ASTN2: variants seen among roughly 807,000 people sequenced by gnomAD.
The protein encoded by ASTN2 is astrotactin 2, also known as astrotactin-2.
Under a neutral mutation model 139.8 loss-of-function variants are expected in ASTN2, and 54 were observed. That is an observed-to-expected ratio of 0.39 (90% CI 0.31 to 0.48). The LOEUF is 0.48. Ranked by LOEUF, ASTN2 falls within the 20% of genes least tolerant of loss-of-function variation. The probability of loss-of-function intolerance (pLI) is 0.95; values close to 1 mark genes in which losing one functional copy is unlikely to be tolerated. For missense variants in ASTN2, 1,565 were observed against 1,725.1 expected (o/e 0.91, Z 1.64); for synonymous variants, 756 against 719.5 (o/e 1.05, Z -0.81).
intron 16 of ASTN2, among the ~76,000 whole-genome samples, chr9:116,706,453 C>G (rs1195209498): frequency 6.6e-6 from 1 of 152,104 alleles, no homozygotes; most frequent in African/African-American, 2.4e-5. Flanking sequence ...CACTGCAGCC[C>G]TACCTCCAAG....
At chr9:117,338,150 C>T (rs755785267) in intron 1 of ASTN2, among the ~76,000 whole-genome samples, 3 of 152,108 alleles carry the variant, frequency 2.0e-5, no homozygotes, top group African/African-American at 7.2e-5. Context: ...GGAAAGATTG[C>T]CATTTTCTTC....
At chr9:117,303,132 G>A (rs909721737) in intron 1 of ASTN2, among the ~76,000 whole-genome samples, 6 of 152,066 alleles carry the variant, frequency 3.9e-5, no homozygotes, top group Middle Eastern at 3.4e-3. Context: ...CTGACTTCAC[G>A]AACTTCACCC....
At chr9:116,426,532 A>G (rs1484434852) in intron 22 of ASTN2, among the ~76,000 whole-genome samples, 1 of 152,054 alleles carries the variant, frequency 6.6e-6, no homozygotes, top group Non-Finnish European at 1.5e-5. Context: ...ACCCCCTTTT[A>G]ATGGGTGAGG....
intron 1 of ASTN2, among the ~76,000 whole-genome samples, chr9:117,323,175 A>C (rs551343832): frequency 5.3e-4 from 81 of 152,254 alleles, no homozygotes; most frequent in Middle Eastern, 3.4e-3. Context: ...ACACACACAC[A>C]TATACATATA....
At chr9:116,589,499 G>T (rs769551025) in intron 19 of ASTN2, among the ~76,000 whole-genome samples, 1 of 152,172 alleles carries the variant, frequency 6.6e-6, no homozygotes, top group African/African-American at 2.4e-5. Context: ...AGGGAGAAAT[G>T]CAACAGGTCT....
chr9:117,047,953 A>G (rs1838793163), intron 5 of ASTN2, among the ~76,000 whole-genome samples: 1 of 152,152 alleles, frequency 6.6e-6, no homozygotes, highest in Admixed American at 6.5e-5. Flanking sequence ...ATCTCATCTA[A>G]TCTTTACAGA....
chr9:117,135,383 T>C (rs1486209243), intron 4 of ASTN2, among the ~76,000 whole-genome samples: 1 of 152,210 alleles, frequency 6.6e-6, no homozygotes, highest in Non-Finnish European at 1.5e-5. Flanking sequence ...GCCTAGAACA[T>C]ACCAAATGCT....
At chr9:116,799,708 G>GGT (rs1554748041) in intron 13 of ASTN2, among the ~76,000 whole-genome samples, 1 of 143,780 alleles carries the variant, frequency 7.0e-6, no homozygotes, top group East Asian at 2.2e-4. Flanking sequence ...TAAGAGAGTG[G>GGT]GGGGGGGGAG....
intron 1 of ASTN2, among the ~76,000 whole-genome samples, chr9:117,396,706 C>A (rs1260508009): frequency 1.3e-5 from 2 of 151,980 alleles, no homozygotes; most frequent in Non-Finnish European, 2.9e-5. Context: ...GCTGGGATTA[C>A]AGGTATGCAC....
At chr9:116,475,878 C>A (rs1050249936) in intron 20 of ASTN2, among the ~76,000 whole-genome samples, 13 of 152,194 alleles carry the variant, frequency 8.5e-5, no homozygotes, top group Non-Finnish European at 2.9e-5. Context: ...CTTTCCCTGG[C>A]CTTCCACATT....
At chr9:116,642,133 A>C (rs73655455) in intron 17 of ASTN2, among the ~76,000 whole-genome samples, 257 of 17,114 alleles carry the variant, frequency 0.015, 10 homozygotes, top group African/African-American at 0.083. Flanking sequence ...CCCAACCCAC[A>C]AAAAAAAAAA....
At position 117,087,317 on chromosome 9, in the gene ASTN2, C is replaced by G. The variant is rs572001268; in HGVS notation, c.1276+8727G>C. On this transcript the variant is annotated intron_variant, in intron 5 of 22. Transcript: ENST00000313400. ...AGGTGCAATCATGGCTCACTGCAGC[C>G]TTGACCTCCAGAGCTCAAGCAATCC... Among the ~76,000 whole-genome samples, 71 of 152,136 alleles carry G rather than the reference C, an allele frequency of 4.7e-4. 5 individuals carry two copies. The highest frequency in any genetic ancestry group is 1.6e-3 in the African/African-American group (67 of 41,498).
At chr9:116,940,300 G>A (rs1835188221) in intron 10 of ASTN2, among the ~76,000 whole-genome samples, 1 of 152,066 alleles carries the variant, frequency 6.6e-6, no homozygotes, top group Non-Finnish European at 1.5e-5. Context: ...TCAGTTAACT[G>A]TAAAACAGCC....
intron 3 of ASTN2, among the ~76,000 whole-genome samples, chr9:117,169,720 A>G (rs1246948035): frequency 6.6e-6 from 1 of 151,554 alleles, no homozygotes; most frequent in Admixed American, 6.6e-5. Flanking sequence ...CTTGGAGGCT[A>G]CGTCAGACAT....
chr9:117,099,107 CAAAA>C (rs34900374), intron 4 of ASTN2, among the ~76,000 whole-genome samples: 6 of 116,890 alleles, frequency 5.1e-5, no homozygotes, highest in African/African-American at 3.2e-5. Context: ...ACTCCGTCTC[CAAAA>C]AAAAAAAAAA....
intron 20 of ASTN2, among the ~76,000 whole-genome samples, chr9:116,463,782 G>T (rs996303019): frequency 6.6e-6 from 1 of 152,156 alleles, no homozygotes; most frequent in Admixed American, 6.5e-5. Flanking sequence ...CTCCTGAAAG[G>T]CCAGGGCTGC....
chr9:116,953,049 C>T (rs1243595375), intron 10 of ASTN2, among the ~76,000 whole-genome samples: 1 of 152,264 alleles, frequency 6.6e-6, no homozygotes, highest in Middle Eastern at 3.4e-3. Context: ...GGAGGAGACT[C>T]CCAGTTCTCC....
In ASTN2 at chr9:116,523,776, T is replaced by C. The variant is rs556236940; in HGVS notation, c.3356-36276A>G. On this transcript the variant is annotated intron_variant, in intron 19 of 22. Coordinates refer to ENST00000313400, the MANE Select transcript of ASTN2 (RefSeq NM_001365068.1). ...CTTTGAGACCAGCTTCAAATATTAT[T>C]TTCTAGAGTCACAATTTGCTAAACC... Among the ~76,000 whole-genome samples the C allele has an allele frequency of 3.3e-5, 5 of 152,232 alleles. No homozygotes were observed. The South Asian group carries it at 1.0e-3, about 32-fold the overall frequency.
intron 19 of ASTN2, among the ~76,000 whole-genome samples, chr9:116,600,486 T>A (rs1413512529): frequency 6.6e-6 from 1 of 152,188 alleles, no homozygotes; most frequent in Non-Finnish European, 1.5e-5. Context: ...TCAGAAGATG[T>A]AAATTCAATT....
Sources: allele counts gnomAD v4.1 joint callset (sites outside exome capture counted in the v4.1 genomes callset), GRCh38; gene constraint gnomAD v4.1.1; transcripts MANE v1.5; gene names NCBI Gene and HGNC (gene_info 2026-07-23, HGNC 2026-07-21).